TNR: variants seen among roughly 807,000 people sequenced by gnomAD.
The protein encoded by TNR is tenascin R.
In TNR, 45 loss-of-function variants were observed where a neutral mutation model predicts 150.4. The ratio of observed to expected loss-of-function variants is 0.30; its 90% CI spans 0.24 to 0.38. The LOEUF (loss-of-function observed/expected upper bound fraction) is 0.38, where lower values mean the gene tolerates loss of function less well. TNR is among the 10% of genes least tolerant of loss of function. TNR has a pLI of 1.00. For synonymous variants in TNR, 687 were observed against 678.4 expected (o/e 1.01, Z -0.20); for missense variants, 1,544 against 1,759.1 (o/e 0.88, Z 2.19).
At chr1:175,364,552 C>T (rs948082573) in intron 12 of TNR, among the ~76,000 whole-genome samples, 2 of 152,156 alleles carry the variant, frequency 1.3e-5, no homozygotes, top group Non-Finnish European at 2.9e-5. Context: ...CAAATCAACC[C>T]CATTCTCTGA....
intron 1 of TNR, among the ~76,000 whole-genome samples, chr1:175,654,690 C>T (rs1276292210): frequency 1.4e-5 from 2 of 147,800 alleles, no homozygotes; most frequent in Non-Finnish European, 3.0e-5. Flanking sequence ...CGGTGAATGT[C>T]TTCCACTATC....
At chr1:175,438,597 T>C (rs1655626531) in intron 2 of TNR, among the ~76,000 whole-genome samples, 2 of 152,310 alleles carry the variant, frequency 1.3e-5, no homozygotes, top group Middle Eastern at 3.4e-3. Flanking sequence ...TTGTCCCAGT[T>C]TGCAGATGAC....
intron 1 of TNR, among the ~76,000 whole-genome samples, chr1:175,562,132 A>G (rs1400540406): frequency 2.0e-5 from 3 of 152,242 alleles, no homozygotes; most frequent in South Asian, 2.1e-4. Context: ...TGGTGCTCAA[A>G]TCTAGTAGGT....
At chr1:175,565,262 C>G (rs191243872) in intron 1 of TNR, among the ~76,000 whole-genome samples, 3 of 152,284 alleles carry the variant, frequency 2.0e-5, no homozygotes, top group African/African-American at 7.2e-5. Context: ...GGGCTCTTGT[C>G]TTTTTAGCAT....
At chr1:175,444,313 C>T (rs768118080) in intron 2 of TNR, among the ~76,000 whole-genome samples, 1 of 152,200 alleles carries the variant, frequency 6.6e-6, no homozygotes, top group Non-Finnish European at 1.5e-5. Flanking sequence ...ATCTAAGACC[C>T]CTTTAAAGGA....
intron 1 of TNR, among the ~76,000 whole-genome samples, chr1:175,571,705 C>T (rs61805152): frequency 2.0e-4 from 30 of 152,290 alleles, no homozygotes; most frequent in Admixed American, 6.5e-4. Flanking sequence ...AACCTCCAGG[C>T]GTGAATTCAT....
Position 175,572,183 on chromosome 1 carries a change from C to T in TNR, c.-164-43814G>A, listed in dbSNP as rs72725453. 5.9e-5 allele frequency among the ~76,000 whole-genome samples: 9 copies of T among 152,300 alleles called. No individual in the cohort carries two copies. In the South Asian group the frequency reaches 6.2e-4, roughly 11 times the overall value. On this transcript the variant is annotated intron_variant, in intron 1 of 22. Transcript: ENST00000367674. ...TGAGCTCACACCGAGGTCAGCAGAACGACCTCAGCCTGAGCCTACTGCCTC... is the reference window on the plus strand; with the variant it reads ...TGAGCTCACACCGAGGTCAGCAGAATGACCTCAGCCTGAGCCTACTGCCTC...
chr1:175,608,240 C>T (rs1259851014), intron 1 of TNR, among the ~76,000 whole-genome samples: 1 of 152,188 alleles, frequency 6.6e-6, no homozygotes, highest in East Asian at 1.9e-4. Context: ...CACTACAACT[C>T]AATGGGAAAG....
intron 2 of TNR, among the ~76,000 whole-genome samples, chr1:175,501,420 TC>T (rs568283436): frequency 6.6e-6 from 1 of 152,112 alleles, no homozygotes; most frequent in Non-Finnish European, 1.5e-5. Context: ...GAACTAAATT[TC>T]CCCAACCACC....
At chr1:175,355,720 C>G (rs1651292976) in intron 16 of TNR, 87 bp from the exon 17 acceptor site, 2 of 1,569,030 alleles carry the variant, frequency 1.3e-6, no homozygotes, top group South Asian at 2.3e-5. Context: ...TGTTGCCCAC[C>G]TCTTTGGTCT....
intron 1 of TNR, among the ~76,000 whole-genome samples, chr1:175,680,517 A>G (rs530371889): frequency 6.6e-6 from 1 of 152,332 alleles, no homozygotes; most frequent in East Asian, 1.9e-4. Flanking sequence ...GCAGGATGAC[A>G]GCTGAACCCT....
chr1:175,356,297 A>G (rs770742683), intron 16 of TNR, 22 bp downstream of exon 16: 23 of 1,613,482 alleles, frequency 1.4e-5, no homozygotes, highest in Non-Finnish European at 1.9e-5. Flanking sequence ...GGATACGGGT[A>G]TGTAGGTGAC....
At chr1:175,479,840 C>T (rs1050011194) in intron 2 of TNR, among the ~76,000 whole-genome samples, 1 of 152,130 alleles carries the variant, frequency 6.6e-6, no homozygotes, top group African/African-American at 2.4e-5. Flanking sequence ...CCAGTTACTT[C>T]TGAGCCAAGC....
chr1:175,505,384 C>T (rs915874739), intron 2 of TNR, among the ~76,000 whole-genome samples: 2 of 152,234 alleles, frequency 1.3e-5, no homozygotes, highest in Admixed American at 1.3e-4. Flanking sequence ...GCTGACTGAG[C>T]GAGCAGGGAG....
chr1:175,621,754 CTT>C (rs1018734832), intron 1 of TNR, among the ~76,000 whole-genome samples: 51 of 152,244 alleles, frequency 3.3e-4, no homozygotes, highest in African/African-American at 1.2e-3. Context: ...TCCCATCCAT[CTT>C]ATACCTTCTC....
intron 2 of TNR, among the ~76,000 whole-genome samples, chr1:175,520,532 C>G (rs1659595683): frequency 6.6e-6 from 1 of 152,222 alleles, no homozygotes; most frequent in African/African-American, 2.4e-5. Flanking sequence ...CCATATTAAA[C>G]AATGCTGAGC....
intron 9 of TNR, among the ~76,000 whole-genome samples, chr1:175,375,578 A>C (rs1035011035): frequency 1.3e-5 from 2 of 152,132 alleles, no homozygotes; most frequent in African/African-American, 4.8e-5. Flanking sequence ...GCTGCCAGCC[A>C]GCTCTGGGAA....
chr1:175,613,007 T>TA lies in TNR; in HGVS notation c.-164-84639dup, dbSNP rs200876113. 3.0e-4 allele frequency among the ~76,000 whole-genome samples: 46 copies of TA among 152,300 alleles called. No individual in the cohort carries two copies. In the East Asian group the frequency reaches 8.7e-3, roughly 29 times the overall value. Reference sequence around the variant, plus strand: ...CAGCACCTGGTACCTTGAAAGACCTTAAAAAATGTTTGATAAATGAATGGA... The same window carrying TA: ...CAGCACCTGGTACCTTGAAAGACCTTAAAAAAATGTTTGATAAATGAATGGA... On this transcript the variant is annotated intron_variant, in intron 1 of 22. Transcript: ENST00000367674.
intron 2 of TNR, among the ~76,000 whole-genome samples, chr1:175,409,853 G>A (rs1343881627): frequency 2.1e-5 from 3 of 143,104 alleles, no homozygotes; most frequent in Non-Finnish European, 4.5e-5. Flanking sequence ...ATTCAAGTGT[G>A]TGTGGGTGGG....
Sources: allele counts gnomAD v4.1 joint callset (sites outside exome capture counted in the v4.1 genomes callset), GRCh38; gene constraint gnomAD v4.1.1; transcripts MANE v1.5; gene names NCBI Gene and HGNC (gene_info 2026-07-23, HGNC 2026-07-21).